Variants in ZNF710 observed in about 807,000 individuals in gnomAD.
ZNF710 encodes zinc finger protein 710.
In ZNF710, 13 loss-of-function variants were observed where a neutral mutation model predicts 50.6. The ratio of observed to expected loss-of-function variants is 0.26; its 90% CI spans 0.17 to 0.41. The LOEUF (loss-of-function observed/expected upper bound fraction) is 0.41. ZNF710 is among the 10% of genes least tolerant of loss of function. ZNF710 has a pLI of 1.00. For synonymous variants in ZNF710, 383 were observed against 397.0 expected, an observed-to-expected ratio of 0.96 and a Z score of 0.42; for missense variants, 721 against 936.6, an observed-to-expected ratio of 0.77 and a Z score of 3.01.
intron 1 of ZNF710, among the ~76,000 whole-genome samples, chr15:90,017,717 CT>C (rs1174794328): frequency 6.6e-6 from 1 of 151,814 alleles, no homozygotes; most frequent in African/African-American, 2.4e-5. Flanking sequence ...TGCTGTTCCC[CT>C]GGAAAGTTTA....
chr15:90,063,313 T>C (rs1900068182), intron 1 of ZNF710, among the ~76,000 whole-genome samples: 10 of 151,604 alleles, frequency 6.6e-5, no homozygotes, highest in Admixed American at 6.6e-4. Context: ...CACTTGGGAG[T>C]GTGTTATTCA....
chr15:90,007,893 A>G (rs1455414186), intron 1 of ZNF710, among the ~76,000 whole-genome samples: 1 of 152,024 alleles, frequency 6.6e-6, no homozygotes, highest in African/African-American at 2.4e-5. Flanking sequence ...CCTTGTGAAT[A>G]GCTCCAGGTT....
chr15:90,060,060 C>T (rs1899957610), intron 1 of ZNF710, among the ~76,000 whole-genome samples: 1 of 151,642 alleles, frequency 6.6e-6, no homozygotes, highest in Admixed American at 6.6e-5. Context: ...GGGTCCTGAA[C>T]TGCCTCCACG....
intron 1 of ZNF710, among the ~76,000 whole-genome samples, chr15:90,032,602 A>AC (rs1898981526): frequency 6.6e-6 from 1 of 151,598 alleles, no homozygotes; most frequent in Non-Finnish European, 1.5e-5. Flanking sequence ...ACATGGCAAA[A>AC]CCCCATCTCC....
At position 90,067,204 on chromosome 15, in the gene ZNF710, G is replaced by T; in HGVS notation, c.67G>T (p.Ala23Ser). ...AVVVLSLAQA[A>S]VLGLVSENEL... ...GGTGGTGCTGTCCTTGGCTCAGGCCGCCGTGCTTGGCCTGGTCTCCGAAAA... is the reference window on the plus strand; with the variant it reads ...GGTGGTGCTGTCCTTGGCTCAGGCCTCCGTGCTTGGCCTGGTCTCCGAAAA... The change falls in exon 2 of 5, where the codon GCC becomes TCC. Residue 23 changes from alanine to serine, a missense_variant. By Grantham distance (99) the Ala-to-Ser change is moderately conservative. Coordinates refer to ENST00000268154, the MANE Select transcript of ZNF710 (RefSeq NM_198526.4). This position sits in a 1 kb window ranked among gnomAD's most constrained non-coding sequence, Gnocchi z 8.1. The T allele has an allele frequency of 6.2e-7, 1 of 1,613,682 alleles. No individual in the cohort carries two copies.
At position 90,062,990 on chromosome 15, in the gene ZNF710, G is replaced by A. The variant is rs1454342790; in HGVS notation, c.-28-4120G>A. Among the ~76,000 whole-genome samples, 2 of 152,158 alleles carry A rather than the reference G, an allele frequency of 1.3e-5. No homozygotes were observed. The highest frequency in any genetic ancestry group is 2.4e-5 in the African/African-American group (1 of 41,442). On this transcript the variant is annotated intron_variant, in intron 1 of 4. Coordinates refer to ENST00000268154, the MANE Select transcript of ZNF710 (RefSeq NM_198526.4). The surrounding 1 kb of genome is among the most constrained non-coding windows in gnomAD (Gnocchi z 5.6). ...TCTCCAGGCCAGTGTAAAAGAAAGC[G>A]TGGGGCCAACTGCCCAGGTGGGCAG...
At chr15:90,064,855 C>T (rs963630275) in intron 1 of ZNF710, among the ~76,000 whole-genome samples, 4 of 152,142 alleles carry the variant, frequency 2.6e-5, no homozygotes, top group African/African-American at 4.8e-5. Context: ...GTGTTAGGAC[C>T]GTGGGCCCTC....
At chr15:90,026,912 C>T (rs1367725196) in intron 1 of ZNF710, among the ~76,000 whole-genome samples, 1 of 152,134 alleles carries the variant, frequency 6.6e-6, no homozygotes, top group Non-Finnish European at 1.5e-5. Flanking sequence ...ATAACCAATT[C>T]TGTAATTAAC....
intron 1 of ZNF710, among the ~76,000 whole-genome samples, chr15:90,039,110 C>G (rs547965536): frequency 5.3e-5 from 8 of 152,260 alleles, no homozygotes; most frequent in Non-Finnish European, 8.8e-5. Context: ...GAAACCCCAT[C>G]TCTACTAAAA....
intron 2 of ZNF710, among the ~76,000 whole-genome samples, chr15:90,071,588 G>A (rs1900386453): frequency 6.6e-6 from 1 of 151,722 alleles, no homozygotes; most frequent in South Asian, 2.1e-4. Context: ...ACAGACACAT[G>A]TCCCACTGGG....
intron 1 of ZNF710, among the ~76,000 whole-genome samples, chr15:90,021,454 A>G (rs1346729945): frequency 3.9e-5 from 6 of 152,328 alleles, no homozygotes; most frequent in Middle Eastern, 3.4e-3. Context: ...ACCCATGGCT[A>G]TCACTATTAC....
intron 1 of ZNF710, among the ~76,000 whole-genome samples, chr15:90,037,283 G>A (rs528542644): frequency 6.6e-6 from 1 of 152,338 alleles, no homozygotes; most frequent in East Asian, 1.9e-4. Context: ...TTGGAAGAAA[G>A]TCCCTGGTCC....
chr15:90,037,703 C>T (rs1234561817), intron 1 of ZNF710, among the ~76,000 whole-genome samples: 1 of 152,234 alleles, frequency 6.6e-6, no homozygotes, highest in Non-Finnish European at 1.5e-5. Flanking sequence ...GCATCTTCAG[C>T]ACTCATAAGC....
chr15:90,015,691 G>C (rs989560720), intron 1 of ZNF710, among the ~76,000 whole-genome samples: 1 of 151,748 alleles, frequency 6.6e-6, no homozygotes, highest in African/African-American at 2.4e-5. Flanking sequence ...GACCTCCCAG[G>C]CTTAAGCGAT....
chr15:90,026,630 T>A (rs911136566), intron 1 of ZNF710, among the ~76,000 whole-genome samples: 1 of 152,054 alleles, frequency 6.6e-6, no homozygotes, highest in South Asian at 2.1e-4. Flanking sequence ...TTTTGAAGCA[T>A]GAAAATGCTG....
intron 1 of ZNF710, among the ~76,000 whole-genome samples, chr15:90,010,869 G>C (rs1234245133): frequency 6.6e-6 from 1 of 151,350 alleles, no homozygotes; most frequent in Non-Finnish European, 1.5e-5. Flanking sequence ...TCTCTCCTCA[G>C]CCTCTTGAGT....
intron 1 of ZNF710, among the ~76,000 whole-genome samples, chr15:90,030,193 G>A (rs1424602517): frequency 6.6e-6 from 1 of 151,674 alleles, no homozygotes; most frequent in African/African-American, 2.4e-5. Context: ...GCCGGATGTG[G>A]TGGTGCATGC....
chr15:90,016,946 A>C (rs1309072899), intron 1 of ZNF710, among the ~76,000 whole-genome samples: 4 of 152,250 alleles, frequency 2.6e-5, no homozygotes, highest in African/African-American at 9.6e-5. Context: ...TTGGCTCTGC[A>C]GTCCTGCCTT....
intron 1 of ZNF710, among the ~76,000 whole-genome samples, chr15:90,060,722 G>C (rs762184780): frequency 1.3e-5 from 2 of 152,076 alleles, no homozygotes; most frequent in South Asian, 2.1e-4. Context: ...CGAGCATGGT[G>C]GTGGGCGCCT....
Sources: gnomAD v4.1 joint callset for allele counts (sites outside exome capture counted in the v4.1 genomes callset) on GRCh38, gnomAD v4.1.1 for gene constraint, Gnocchi (gnomAD v3.1) non-coding constraint, MANE v1.5 for transcripts, NCBI Gene and HGNC (gene_info 2026-07-23, HGNC 2026-07-21) for gene names.